The following TEX11 variants were observed in gnomAD, a reference collection of about 807,000 sequenced individuals.
The protein encoded by TEX11 is testis-expressed protein 11.
In TEX11, 7 loss-of-function variants were observed where a neutral mutation model predicts 84.4. That is an observed-to-expected ratio of 0.08 (90% CI 0.05 to 0.16). The LOEUF (loss-of-function observed/expected upper bound fraction) is 0.16, where lower values mean the gene tolerates loss of function less well. TEX11 is among the 10% of genes least tolerant of loss of function. The pLI, the probability that TEX11 is intolerant of heterozygous loss-of-function variation, is 1.00. For synonymous variants in TEX11, 264 were observed against 222.8 expected (o/e 1.18, Z -1.64); for missense variants, 551 against 660.5 (o/e 0.83, Z 1.82).
chrX:70,597,562 T>A (rs1331926950), intron 24 of TEX11, among the ~76,000 whole-genome samples: 1 of 111,489 alleles, frequency 9.0e-6, no homozygotes, highest in Non-Finnish European at 1.9e-5. Context: ...AAATGGATAT[T>A]CAAATGCAAA....
intron 2 of TEX11, among the ~76,000 whole-genome samples, chrX:70,898,858 G>A (rs2091787817): frequency 9.0e-6 from 1 of 111,306 alleles, no homozygotes; most frequent in African/African-American, 3.3e-5. Context: ...ACCAGCCTCG[G>A]CCTCCCAAAG....
chrX:70,668,777 C>G (rs2089998303), intron 16 of TEX11, among the ~76,000 whole-genome samples: 1 of 112,101 alleles, frequency 8.9e-6, no homozygotes, highest in Non-Finnish European at 1.9e-5. Flanking sequence ...TGTATCTAGT[C>G]AACTTGTATT....
intron 2 of TEX11, among the ~76,000 whole-genome samples, chrX:70,897,224 TATG>T (rs1225010562): frequency 2.3e-5 from 1 of 44,015 alleles, no homozygotes; most frequent in African/African-American, 5.6e-5. Context: ...AACATATATA[TATG>T]TTTTATATAT....
At chrX:70,806,458 AAAG>A (rs1202169104) in intron 9 of TEX11, among the ~76,000 whole-genome samples, 1 of 111,120 alleles carries the variant, frequency 9.0e-6, no homozygotes, top group African/African-American at 3.3e-5. Context: ...ACGAAAAAAA[AAAG>A]AAGAAAAAAA....
intron 5 of TEX11, among the ~76,000 whole-genome samples, chrX:70,858,359 T>C (rs1369500280): frequency 9.3e-6 from 1 of 107,183 alleles, no homozygotes; most frequent in Non-Finnish European, 1.9e-5. Context: ...GGAGAATTGC[T>C]TGAACCCAGG....
At chrX:70,822,203 T>C (rs1483658760) in intron 8 of TEX11, among the ~76,000 whole-genome samples, 1 of 111,473 alleles carries the variant, frequency 9.0e-6, no homozygotes, top group Non-Finnish European at 1.9e-5. Context: ...AGTATCTACA[T>C]GTTTGGTACA....
chrX:70,791,617 C>T (rs1216513516), intron 9 of TEX11, among the ~76,000 whole-genome samples: 1 of 111,780 alleles, frequency 8.9e-6, no homozygotes, highest in Non-Finnish European at 1.9e-5. Flanking sequence ...GCATAAAGCA[C>T]ATCTCAATGA....
At chrX:70,608,053 C>T (rs1284267558) in intron 22 of TEX11, among the ~76,000 whole-genome samples, 2 of 112,031 alleles carry the variant, frequency 1.8e-5, no homozygotes, top group Non-Finnish European at 3.8e-5. Context: ...GCTTACTTAT[C>T]ACTGTAGTAA....
At chrX:70,771,062 C>A (rs1190749674) in intron 9 of TEX11, among the ~76,000 whole-genome samples, 1 of 111,735 alleles carries the variant, frequency 8.9e-6, no homozygotes, top group East Asian at 2.8e-4. Flanking sequence ...ACTAACATCC[C>A]CAAAATCTAG....
chrX:70,882,543 G>A (rs1294868998), intron 2 of TEX11, among the ~76,000 whole-genome samples: 2 of 111,428 alleles, frequency 1.8e-5, no homozygotes, highest in Non-Finnish European at 3.8e-5. Context: ...CAGTTTGGGA[G>A]GCTGAGGCAG....
intron 22 of TEX11, 76 bp from the exon 23 acceptor site, chrX:70,607,105 C>T: frequency 1.4e-6 from 1 of 735,861 alleles, no homozygotes; most frequent in Non-Finnish European, 2.0e-6. Context: ...ATTACAATTT[C>T]TGATACTTAC....
chrX:70,886,840 G>A (rs554121524), intron 2 of TEX11, among the ~76,000 whole-genome samples: 10 of 112,053 alleles, frequency 8.9e-5, no homozygotes, highest in Non-Finnish European at 1.5e-4. Context: ...CAATTGGCTG[G>A]GGGTGGAGGG....
At chrX:70,865,475 G>C (rs1243955994) in intron 4 of TEX11, among the ~76,000 whole-genome samples, 1 of 111,310 alleles carries the variant, frequency 9.0e-6, no homozygotes, top group East Asian at 2.8e-4. Flanking sequence ...GTCAATATTA[G>C]ACAGATCAAC....
intron 7 of TEX11, among the ~76,000 whole-genome samples, chrX:70,841,135 A>G (rs1309514916): frequency 4.5e-5 from 5 of 111,327 alleles, no homozygotes; most frequent in Non-Finnish European, 7.5e-5. Context: ...CGGACCTAAT[A>G]GACATCTACA....
chrX:70,905,099 G>A (rs766834821), intron 2 of TEX11, among the ~76,000 whole-genome samples: 7 of 111,866 alleles, frequency 6.3e-5, no homozygotes, highest in African/African-American at 1.9e-4. Context: ...GAGGCGGGCA[G>A]ATTGCCTGAG....
chrX:70,561,904 CAATTTAGTCTAT>C (rs2088381986), intron 25 of TEX11, among the ~76,000 whole-genome samples: 1 of 112,067 alleles, frequency 8.9e-6, no homozygotes, highest in Non-Finnish European at 1.9e-5. Context: ...TGCTTATGTG[CAATTTAGTCTAT>C]GTGAAATAGT....
At chrX:70,732,388 A>G (rs758944833) in intron 11 of TEX11, among the ~76,000 whole-genome samples, 2 of 111,771 alleles carry the variant, frequency 1.8e-5, no homozygotes, top group African/African-American at 6.5e-5. Context: ...ACATGATTGT[A>G]TATCTAGAAA....
At chrX:70,618,797 T>C (rs968771140) in intron 20 of TEX11, among the ~76,000 whole-genome samples, 1 of 112,180 alleles carries the variant, frequency 8.9e-6, no homozygotes, top group African/African-American at 3.2e-5. Context: ...AAACACACTT[T>C]ACAACCCATA....
intron 20 of TEX11, 92 bp downstream of exon 20, chrX:70,623,858 C>T: frequency 1.2e-6 from 1 of 802,875 alleles, no homozygotes; most frequent in South Asian, 3.4e-5. Context: ...ATCTTACCCA[C>T]TACACTAAGT....
Sources: allele counts gnomAD v4.1 joint callset (sites outside exome capture counted in the v4.1 genomes callset), GRCh38; gene constraint gnomAD v4.1.1; transcripts MANE v1.5; gene names NCBI Gene and HGNC (gene_info 2026-07-23, HGNC 2026-07-21).